Variants in MKLN1 observed in about 807,000 individuals in gnomAD.
The protein encoded by MKLN1 is muskelin.
A neutral mutation model predicts 99.0 loss-of-function variants in MKLN1; 18 were observed. That is an observed-to-expected ratio of 0.18 (90% CI 0.13 to 0.27). The LOEUF is 0.27. Ranked by LOEUF, MKLN1 falls within the 10% of genes least tolerant of loss-of-function variation. The probability of loss-of-function intolerance (pLI) is 1.00; values close to 1 mark genes in which losing one functional copy is unlikely to be tolerated. For missense variants in MKLN1, 621 were observed against 875.9 expected (o/e 0.71, Z 3.67); for synonymous variants, 288 against 293.2 (o/e 0.98, Z 0.18).
chr7:131,237,133 C>T (rs1797334310), intron 3 of MKLN1, among the ~76,000 whole-genome samples: 2 of 152,282 alleles, frequency 1.3e-5, no homozygotes, highest in South Asian at 4.1e-4. Flanking sequence ...ATAATCCATA[C>T]ACTGGCCTTA....
chr7:131,161,072 A>G (rs1289538784), intron 2 of MKLN1, among the ~76,000 whole-genome samples: 2 of 152,130 alleles, frequency 1.3e-5, no homozygotes, highest in Non-Finnish European at 2.9e-5. Flanking sequence ...CGCCTTCTCC[A>G]TACAATAGAT....
intron 3 of MKLN1, among the ~76,000 whole-genome samples, chr7:131,256,875 T>C (rs994447871): frequency 3.3e-5 from 5 of 152,176 alleles, no homozygotes; most frequent in Admixed American, 6.5e-5. Context: ...CCTTAGGCGA[T>C]GGGATCATTT....
chr7:131,208,068 G>A (rs1021218307), intron 3 of MKLN1, among the ~76,000 whole-genome samples: 4 of 152,172 alleles, frequency 2.6e-5, no homozygotes, highest in Non-Finnish European at 5.9e-5. Context: ...GGAAAAGAGT[G>A]AGAAAATGCT....
intron 3 of MKLN1, among the ~76,000 whole-genome samples, chr7:131,247,363 G>C (rs112497485): frequency 0.15 from 22,618 of 151,354 alleles, 1,788 homozygotes; most frequent in Middle Eastern, 0.23. Flanking sequence ...ACAGGCACAC[G>C]CACCACCACG....
chr7:131,481,576 T>C (rs1164050293), intron 17 of MKLN1, among the ~76,000 whole-genome samples: 1 of 152,086 alleles, frequency 6.6e-6, no homozygotes, highest in African/African-American at 2.4e-5. Flanking sequence ...ACTGGTGAAT[T>C]TGGATAAGGA....
chr7:131,123,022 C>CA (rs59581806), intron 1 of MKLN1, among the ~76,000 whole-genome samples: 25,724 of 59,700 alleles, frequency 0.43, 10,284 homozygotes, highest in Non-Finnish European at 0.56. Flanking sequence ...GACTCCGTCT[C>CA]AAAAAAAAAA....
intron 2 of MKLN1, among the ~76,000 whole-genome samples, chr7:131,202,277 G>A (rs1439960152): frequency 7.0e-6 from 1 of 143,716 alleles, no homozygotes; most frequent in Non-Finnish European, 1.5e-5. Flanking sequence ...CACCATGCCC[G>A]GCTAATTTTT....
intron 1 of MKLN1, among the ~76,000 whole-genome samples, chr7:131,362,054 T>TTA (rs1800045905): frequency 6.6e-6 from 1 of 152,056 alleles, no homozygotes; most frequent in African/African-American, 2.4e-5. Context: ...GATAGTTTGA[T>TTA]TATATATACA....
Position 131,491,600 on chromosome 7 carries a change from C to T in MKLN1, c.*3872C>T, listed in dbSNP as rs930218965. On this transcript the variant is annotated 3_prime_UTR_variant, in exon 18 of 18. Coordinates refer to ENST00000352689, the MANE Select transcript of MKLN1 (RefSeq NM_013255.5). ...TAGAGGTCTGTTGGTTGAAGGCAGA[C>T]ATTTCCAAGTTTGTTGAAATAATAC... is the stretch of plus-strand genomic sequence containing the variant. 6.6e-6 allele frequency: 1 copy of T among 152,176 alleles called. No individual in the cohort carries two copies. The highest frequency in any genetic ancestry group is 2.1e-4 in the South Asian group (1 of 4,830). 9.4% of individuals were successfully genotyped at this position (152,176 alleles called of 1,614,324 possible). A position where few individuals can be genotyped will look rare whatever the true frequency, so the allele number is the denominator to read the frequency against.
chr7:131,251,693 G>T (rs1797582611), intron 3 of MKLN1, among the ~76,000 whole-genome samples: 2 of 150,184 alleles, frequency 1.3e-5, no homozygotes, highest in African/African-American at 2.5e-5. Context: ...TTGAGATAAG[G>T]TCTTACTCAA....
At chr7:131,201,146 A>G (rs945211660) in intron 2 of MKLN1, among the ~76,000 whole-genome samples, 2 of 152,046 alleles carry the variant, frequency 1.3e-5, no homozygotes, top group Non-Finnish European at 2.9e-5. Context: ...CAGCCTCCTG[A>G]GCAGCTGGGA....
intron 1 of MKLN1, among the ~76,000 whole-genome samples, chr7:131,128,835 G>T (rs7811370): frequency 6.7e-6 from 1 of 150,084 alleles, no homozygotes; most frequent in Middle Eastern, 3.4e-3. Flanking sequence ...CCTGGACTCA[G>T]GTGATCCTTC....
At chr7:131,469,372 A>G (rs1796754618) in intron 15 of MKLN1, among the ~76,000 whole-genome samples, 2 of 152,206 alleles carry the variant, frequency 1.3e-5, no homozygotes, top group African/African-American at 2.4e-5. Context: ...CTTAGAAAGC[A>G]TTTCCTGGGG....
At chr7:131,150,291 A>C (rs962721520) in intron 2 of MKLN1, among the ~76,000 whole-genome samples, 1 of 152,198 alleles carries the variant, frequency 6.6e-6, no homozygotes, top group African/African-American at 2.4e-5. Flanking sequence ...AATGATTTCA[A>C]GCCTAGGCAA....
intron 2 of MKLN1, among the ~76,000 whole-genome samples, chr7:131,160,962 G>T (rs1230324215): frequency 2.0e-5 from 3 of 152,106 alleles, no homozygotes; most frequent in African/African-American, 7.2e-5. Context: ...CAATATGATG[G>T]TGTCTCCTTC....
chr7:131,432,955 C>A (rs1236438534), intron 9 of MKLN1, among the ~76,000 whole-genome samples: 1 of 152,098 alleles, frequency 6.6e-6, no homozygotes, highest in African/African-American at 2.4e-5. Context: ...TATAGACTCC[C>A]TTGAAGTACC....
At chr7:131,399,207 C>T (rs367555301) in intron 5 of MKLN1, 34 bp from the exon 6 acceptor site, 17 of 1,577,356 alleles carry the variant, frequency 1.1e-5, no homozygotes, top group Non-Finnish European at 1.5e-5. Context: ...CTAACCAAAT[C>T]TCTTCTTTCC....
intron 9 of MKLN1, among the ~76,000 whole-genome samples, chr7:131,430,584 C>CT (rs1795494997): frequency 6.6e-6 from 1 of 152,140 alleles, no homozygotes; most frequent in South Asian, 2.1e-4. Context: ...GTGAATGTGT[C>CT]TAATTAGTGC....
chr7:131,245,268 CTTTT>C (rs34255726), intron 3 of MKLN1, among the ~76,000 whole-genome samples: 2 of 129,574 alleles, frequency 1.5e-5, no homozygotes, highest in African/African-American at 2.9e-5. Context: ...ATTATACGGT[CTTTT>C]TTTTTTTTTT....
Sources: gnomAD v4.1 joint callset for allele counts (sites outside exome capture counted in the v4.1 genomes callset) on GRCh38, gnomAD v4.1.1 for gene constraint, MANE v1.5 for transcripts, NCBI Gene and HGNC (gene_info 2026-07-23, HGNC 2026-07-21) for gene names.